IARS2: variants seen among roughly 807,000 people sequenced by gnomAD.
IARS2 encodes the protein isoleucine--tRNA ligase, mitochondrial.
In IARS2, 56 loss-of-function variants were observed where a neutral mutation model predicts 126.3. That is an observed-to-expected ratio of 0.44 (90% confidence interval 0.36 to 0.55). The LOEUF is 0.55. IARS2 is among the 20% of genes least tolerant of loss of function. The pLI is 0.00. For missense variants in IARS2, 1,127 were observed against 1,245.9 expected, an observed-to-expected ratio of 0.90 and a Z score of 1.44; for synonymous variants, 407 against 441.1, an observed-to-expected ratio of 0.92 and a Z score of 0.97.
At chr1:220,142,033 G>A (rs1657501865) in intron 20 of IARS2, 85 bp downstream of exon 20, 15 of 1,307,960 alleles carry the variant, frequency 1.1e-5, no homozygotes, top group Non-Finnish European at 1.6e-5. Context: ...CATAAAAGGG[G>A]CACTTATCCA....
chr1:220,107,201 G>A, intron 10 of IARS2, 50 bp downstream of exon 10: 1 of 1,219,902 alleles, frequency 8.2e-7, no homozygotes. Flanking sequence ...AAAGTAGGTA[G>A]CAGTAACCTT....
intron 14 of IARS2, among the ~76,000 whole-genome samples, chr1:220,129,157 C>T (rs1657211470): frequency 6.6e-6 from 1 of 152,150 alleles, no homozygotes; most frequent in Admixed American, 6.5e-5. Flanking sequence ...GCTGGGATTA[C>T]AGACGTGAGC....
At chr1:220,113,193 A>G in intron 11 of IARS2, among the ~76,000 whole-genome samples, 1 of 152,160 alleles carries the variant, frequency 6.6e-6, no homozygotes, top group Non-Finnish European at 1.5e-5. Flanking sequence ...TTCCCATGCC[A>G]TTATCACCAC....
At chr1:220,134,612 C>A in intron 15 of IARS2, 102 bp downstream of exon 15, 1 of 589,932 alleles carries the variant, frequency 1.7e-6, no homozygotes, top group South Asian at 3.6e-5. Context: ...TGATTGCTTA[C>A]AGTGTCCTGT....
intron 1 of IARS2, among the ~76,000 whole-genome samples, chr1:220,095,868 A>C (rs1263853918): frequency 3.3e-5 from 5 of 152,150 alleles, no homozygotes; most frequent in Admixed American, 6.5e-5. Flanking sequence ...TATCATATAA[A>C]GAGTTTAGAC....
chr1:220,138,044 G>A lies in IARS2; in HGVS notation c.2175+1G>A, dbSNP rs1057520702. On this transcript the variant is annotated splice_donor_variant, in intron 17 of 22. Transcript: ENST00000366922. LOFTEE classifies it high-confidence loss of function. ...TGCTGCCAGAGATGATATTAGCAAGGTTAGAACTATTATTCTTCCTATTTC... is the reference window on the plus strand; with the variant it reads ...TGCTGCCAGAGATGATATTAGCAAGATTAGAACTATTATTCTTCCTATTTC... 1.2e-6 allele frequency: 2 copies of A among 1,613,818 alleles called. No homozygotes were observed. The highest frequency in any genetic ancestry group is 2.2e-5 in the South Asian group (2 of 91,058).
chr1:220,110,429 G>A (rs989397150), intron 10 of IARS2, among the ~76,000 whole-genome samples: 1 of 151,986 alleles, frequency 6.6e-6, no homozygotes, highest in African/African-American at 2.4e-5. Context: ...GCAGTGGCAC[G>A]ATCTCGGCTC....
At chr1:220,103,161 C>T (rs1656614381) in intron 7 of IARS2, among the ~76,000 whole-genome samples, 1 of 152,028 alleles carries the variant, frequency 6.6e-6, no homozygotes. Flanking sequence ...CTGCCTCAGC[C>T]TCCCGAGTAG....
Position 220,141,786 on chromosome 1 carries a change from A to C in IARS2, c.2415-17A>C, listed in dbSNP as rs1050023181. 6.2e-7 allele frequency: 1 copy of C among 1,612,790 alleles called. No homozygotes were observed. The highest frequency in any genetic ancestry group is 8.5e-7 in the Non-Finnish European group (1 of 1,179,448). On this transcript the variant is annotated splice_polypyrimidine_tract_variant and intron_variant, in intron 19 of 22. Coordinates refer to ENST00000366922, the MANE Select transcript of IARS2 (RefSeq NM_018060.4). ...TATAAAGTATTGTCAACTGCTGAAT[A>C]AGTTGTTCTTGTTCAGGCTCTATTG...
chr1:220,094,496 C>T lies in IARS2; in HGVS notation c.267+13C>T. The T allele has an allele frequency of 1.3e-6, 2 of 1,577,362 alleles. No homozygotes were observed. Among genetic ancestry groups the T allele is most frequent in the Non-Finnish European group, 1.7e-6 (2 of 1,164,042 alleles). The stretch of plus-strand genomic sequence containing the variant: ...GGAGATCCAGCAGGTACGGGCCCCG[C>T]CTCGGCGCGGGGCCTCCAGAGAGGC... On this transcript the variant is annotated intron_variant, in intron 1 of 22. Coordinates refer to ENST00000366922, the MANE Select transcript of IARS2 (RefSeq NM_018060.4).
At chr1:220,111,821 T>C (rs1656809796) in intron 11 of IARS2, among the ~76,000 whole-genome samples, 1 of 152,132 alleles carries the variant, frequency 6.6e-6, no homozygotes, top group African/African-American at 2.4e-5. Flanking sequence ...ACTTGTGTAA[T>C]GTGGACAACT....
rs370787802 is a variant in IARS2, at chr1:220,113,875, T to G, written c.1480-439T>G. ...GTAAAATTAGGTATATCGCAATCTT[T>G]TTTTGGCAGTCTACGATAGTAATTT... On this transcript the variant is annotated intron_variant, in intron 11 of 22. Coordinates refer to ENST00000366922, the MANE Select transcript of IARS2 (RefSeq NM_018060.4). Among the ~76,000 whole-genome samples, 19 of 152,328 alleles carry G rather than the reference T, an allele frequency of 1.2e-4. No homozygotes were observed. The East Asian group carries it at 1.9e-3, about 15-fold the overall frequency.
chr1:220,101,126 C>A lies in IARS2; in HGVS notation c.550+477C>A, dbSNP rs1166608231. On this transcript the variant is annotated intron_variant, in intron 3 of 22. Transcript: ENST00000366922. ...TGTAACTGTGAAGATTTTTTTACTT[C>A]CTTGTGAAACCTATTATCATTGGCT... Among the ~76,000 whole-genome samples the A allele has an allele frequency of 3.3e-5, 5 of 151,874 alleles. No individual in the cohort carries two copies. The South Asian group carries it at 1.0e-3, about 32-fold the overall frequency.
At position 220,102,383 on chromosome 1, in the gene IARS2, CA is replaced by C. The variant is rs1207495771; in HGVS notation, c.723del (p.Lys241AsnfsTer31). 3.7e-6 allele frequency: 6 copies of C among 1,613,706 alleles called. No homozygotes were observed. The highest frequency in any genetic ancestry group is 5.1e-6 in the Non-Finnish European group (6 of 1,179,944). On this transcript the variant is annotated frameshift_variant, in exon 5 of 23. Coordinates refer to ENST00000366922, the MANE Select transcript of IARS2 (RefSeq NM_018060.4). LOFTEE classifies it high-confidence loss of function. ...TATAGGGCTTGGTTTATCGATCTTA[CA>C]AACCTGTGTTTTGGTCTCCGTCATC... is the stretch of plus-strand genomic sequence containing the variant. ...YDKGLVYRSY[K>X]PVFWSPSSRT...
chr1:220,136,357 C>G (rs1232915203), intron 15 of IARS2, among the ~76,000 whole-genome samples: 2 of 152,174 alleles, frequency 1.3e-5, no homozygotes, highest in African/African-American at 4.8e-5. Context: ...GCCTCGAGCT[C>G]CTGGCCTCAA....
At chr1:220,099,768 G>A (rs1656533502) in intron 2 of IARS2, among the ~76,000 whole-genome samples, 5 of 152,044 alleles carry the variant, frequency 3.3e-5, no homozygotes, top group Admixed American at 3.3e-4. Flanking sequence ...AGAGTAAAGT[G>A]AACCAATCTT....
intron 12 of IARS2, among the ~76,000 whole-genome samples, chr1:220,117,503 C>T (rs1656950578): frequency 6.6e-6 from 1 of 152,004 alleles, no homozygotes; most frequent in East Asian, 1.9e-4. Context: ...CCCGGCTACT[C>T]TTCTTTTCAC....
At chr1:220,146,164 TAGA>T (rs1657582539) in intron 22 of IARS2, among the ~76,000 whole-genome samples, 1 of 152,208 alleles carries the variant, frequency 6.6e-6, no homozygotes. Context: ...ATTTGTTTTA[TAGA>T]AGATTTTAAA....
intron 6 of IARS2, 36 bp from the exon 7 acceptor site, chr1:220,102,651 C>G: frequency 2.5e-6 from 4 of 1,587,014 alleles, no homozygotes; most frequent in Non-Finnish European, 2.6e-6. Flanking sequence ...TAGAATTATC[C>G]CATTTGCTAA....
Sources: gnomAD v4.1 joint callset for allele counts (sites outside exome capture counted in the v4.1 genomes callset) on GRCh38, gnomAD v4.1.1 for gene constraint, MANE v1.5 for transcripts, NCBI Gene and HGNC (gene_info 2026-07-23, HGNC 2026-07-21) for gene names.